The following IGSF21 variants were observed in gnomAD, a reference collection of about 807,000 sequenced individuals.
IGSF21 encodes the protein immunoglobin superfamily member 21.
A neutral mutation model predicts 46.8 loss-of-function variants in IGSF21; 28 were observed. The ratio of observed to expected loss-of-function variants is 0.60; its 90% CI spans 0.44 to 0.82. IGSF21 has a LOEUF of 0.82. Among genes scored for constraint, IGSF21 ranks in the 40% least tolerant of loss-of-function variants. The pLI is 0.00. For missense variants in IGSF21, 624 were observed against 665.5 expected, an observed-to-expected ratio of 0.94 and a Z score of 0.69; for synonymous variants, 284 against 273.6, an observed-to-expected ratio of 1.04 and a Z score of -0.38.
At chr1:18,364,624 G>A (rs770006187) in intron 5 of IGSF21, among the ~76,000 whole-genome samples, 4 of 152,024 alleles carry the variant, frequency 2.6e-5, no homozygotes, top group Non-Finnish European at 4.4e-5. Context: ...TGAGTTCCCC[G>A]TTAGCAGAGA....
intron 9 of IGSF21, among the ~76,000 whole-genome samples, chr1:18,377,898 G>T (rs879483405): frequency 6.6e-6 from 1 of 152,128 alleles, no homozygotes; most frequent in African/African-American, 2.4e-5. Flanking sequence ...TCCTCCCTGG[G>T]CATCCCCCAA....
At chr1:18,260,336 G>T (rs2084934996) in intron 2 of IGSF21, among the ~76,000 whole-genome samples, 2 of 152,250 alleles carry the variant, frequency 1.3e-5, no homozygotes, top group Non-Finnish European at 2.9e-5. Flanking sequence ...TCTTTGTGCT[G>T]CAGGGTGGGG....
At chr1:18,169,237 G>C (rs1258311851) in intron 1 of IGSF21, among the ~76,000 whole-genome samples, 1 of 152,226 alleles carries the variant, frequency 6.6e-6, no homozygotes, top group East Asian at 1.9e-4. Context: ...CGCCATGGAG[G>C]CCCATCTGCG....
At chr1:18,259,997 C>T (rs2084931508) in intron 2 of IGSF21, among the ~76,000 whole-genome samples, 3 of 152,234 alleles carry the variant, frequency 2.0e-5, no homozygotes, top group Admixed American at 2.0e-4. Flanking sequence ...TTCATCTCTC[C>T]AAGCCTCAGC....
intron 4 of IGSF21, among the ~76,000 whole-genome samples, chr1:18,336,944 G>C (rs1050524919): frequency 2.0e-5 from 3 of 152,194 alleles, no homozygotes; most frequent in Non-Finnish European, 4.4e-5. Flanking sequence ...ATCAGATCTT[G>C]TGAGACTTAT....
intron 1 of IGSF21, among the ~76,000 whole-genome samples, chr1:18,199,826 G>GC (rs200529105): frequency 0.028 from 4,249 of 152,262 alleles, 92 homozygotes; most frequent in Middle Eastern, 0.058. Context: ...GGAGCTCAGA[G>GC]CCCCTCCCCG....
chr1:18,215,658 T>C (rs1392869701), intron 1 of IGSF21, among the ~76,000 whole-genome samples: 1 of 152,104 alleles, frequency 6.6e-6, no homozygotes, highest in Non-Finnish European at 1.5e-5. Context: ...TGGGGAGCTC[T>C]AAGTAAGTCA....
intron 4 of IGSF21, among the ~76,000 whole-genome samples, chr1:18,351,567 G>A (rs1001675524): frequency 2.6e-5 from 4 of 152,144 alleles, no homozygotes; most frequent in Admixed American, 6.5e-5. Flanking sequence ...GGGGGAGGAC[G>A]GACGAGCAAC....
At chr1:18,342,714 C>T (rs930908725) in intron 4 of IGSF21, among the ~76,000 whole-genome samples, 2 of 152,160 alleles carry the variant, frequency 1.3e-5, no homozygotes, top group Middle Eastern at 3.2e-3. Context: ...TAGTTTCTTT[C>T]GCTTTGCATA....
intron 3 of IGSF21, among the ~76,000 whole-genome samples, chr1:18,299,059 A>G (rs908377314): frequency 6.6e-6 from 1 of 152,258 alleles, no homozygotes; most frequent in Non-Finnish European, 1.5e-5. Flanking sequence ...TGAATCAGAG[A>G]TGCAGAGACT....
Position 18,108,262 on chromosome 1 carries a change from G to T in IGSF21, c.70+64G>T. 5 of 1,304,488 alleles carry T rather than the reference G, an allele frequency of 3.8e-6. No homozygotes were observed. In the East Asian group the frequency reaches 9.6e-5, roughly 25 times the overall value. 80.8% of individuals were successfully genotyped at this position (1,304,488 alleles called of 1,614,324 possible). On this transcript the variant is annotated intron_variant, in intron 1 of 9. Transcript: ENST00000251296. ...CGTGCGCGGGGACGGGGTGCCGGGG[G>T]AGGGCGCTGGCCGGGGTCGCTCCGA... is the stretch of plus-strand genomic sequence containing the variant.
At chr1:18,178,011 C>T (rs964005235) in intron 1 of IGSF21, among the ~76,000 whole-genome samples, 1 of 151,856 alleles carries the variant, frequency 6.6e-6, no homozygotes, top group Admixed American at 6.6e-5. Flanking sequence ...CTTAAGCCAT[C>T]ACATAGATTT....
chr1:18,205,213 A>C (rs2084306056), intron 1 of IGSF21, among the ~76,000 whole-genome samples: 1 of 151,976 alleles, frequency 6.6e-6, no homozygotes, highest in South Asian at 2.1e-4. Flanking sequence ...AATATTAACC[A>C]TGGCTTTCTC....
chr1:18,324,721 C>T (rs1196842588), intron 3 of IGSF21, among the ~76,000 whole-genome samples: 2 of 152,144 alleles, frequency 1.3e-5, no homozygotes, highest in Non-Finnish European at 2.9e-5. Flanking sequence ...GGAGGGTCTC[C>T]TGTGTCCCCC....
At chr1:18,110,818 T>A (rs2086136554) in intron 1 of IGSF21, 1 of 152,586 alleles carries the variant, frequency 6.6e-6, no homozygotes, top group Non-Finnish European at 1.5e-5. Flanking sequence ...CTGGAGCCTG[T>A]GCAGTGGCGC....
chr1:18,319,792 C>T (rs749565128), intron 3 of IGSF21, among the ~76,000 whole-genome samples: 26 of 152,138 alleles, frequency 1.7e-4, no homozygotes, highest in Middle Eastern at 3.2e-3. Context: ...TAAATAGAAG[C>T]GCCCCCTCCA....
At position 18,206,282 on chromosome 1, in the gene IGSF21, C is replaced by T. The variant is rs959810583; in HGVS notation, c.71-21616C>T. On this transcript the variant is annotated intron_variant, in intron 1 of 9. Transcript: ENST00000251296. The stretch of plus-strand genomic sequence containing the variant: ...TGTGTTCTGGGGCTGGGTGCCGTGG[C>T]TCATGCCTGCAATCCCAGCACTTTG... Among the ~76,000 whole-genome samples the T allele has an allele frequency of 2.6e-5, 4 of 152,286 alleles. 1 individual carries two copies. The highest frequency in any genetic ancestry group is 2.6e-4 in the Admixed American group (4 of 15,294).
chr1:18,339,183 C>A (rs891214342), intron 4 of IGSF21, among the ~76,000 whole-genome samples: 1 of 152,152 alleles, frequency 6.6e-6, no homozygotes, highest in South Asian at 2.1e-4. Context: ...TTACGGATGA[C>A]GGAGCAGAGG....
intron 1 of IGSF21, among the ~76,000 whole-genome samples, chr1:18,147,076 C>T (rs1227540358): frequency 2.6e-5 from 4 of 152,336 alleles, no homozygotes; most frequent in Admixed American, 1.3e-4. Context: ...CACTGCCACC[C>T]CAGCCCAGGC....
Sources: allele counts gnomAD v4.1 joint callset (sites outside exome capture counted in the v4.1 genomes callset), GRCh38; gene constraint gnomAD v4.1.1; transcripts MANE v1.5; gene names NCBI Gene and HGNC (gene_info 2026-07-23, HGNC 2026-07-21).